The following CNTN4 variants were observed in gnomAD, a reference collection of about 807,000 sequenced individuals.
The protein encoded by CNTN4 is contactin 4, also known as contactin-4.
In CNTN4, 77 loss-of-function variants were observed where a neutral mutation model predicts 122.5. The ratio of observed to expected loss-of-function variants is 0.63; its 90% CI spans 0.52 to 0.76. The LOEUF is 0.76. CNTN4 is among the 30% of genes least tolerant of loss of function. CNTN4 has a pLI of 0.00. For synonymous variants in CNTN4, 512 were observed against 447.0 expected (o/e 1.15, Z -1.83); for missense variants, 1,256 against 1,259.1 (o/e 1.00, Z 0.04).
chr3:2,576,782 A>G (rs1352626154), intron 4 of CNTN4, among the ~76,000 whole-genome samples: 1 of 152,136 alleles, frequency 6.6e-6, no homozygotes, highest in Non-Finnish European at 1.5e-5. Context: ...TCTTAACCTC[A>G]AATGATCCAC....
At chr3:2,870,934 A>C (rs1319677209) in intron 8 of CNTN4, among the ~76,000 whole-genome samples, 1 of 152,162 alleles carries the variant, frequency 6.6e-6, no homozygotes, top group Non-Finnish European at 1.5e-5. Context: ...ATGAGGTGTG[A>C]TGAGTCTCAT....
chr3:2,142,813 G>A (rs1289992364), intron 2 of CNTN4, among the ~76,000 whole-genome samples: 3 of 152,216 alleles, frequency 2.0e-5, no homozygotes, highest in African/African-American at 7.2e-5. Flanking sequence ...AACTACGGCT[G>A]CTTTCAGGCA....
At chr3:2,866,340 A>G (rs1280330142) in intron 7 of CNTN4, 1 of 298,576 alleles carries the variant, frequency 3.3e-6, no homozygotes, top group Non-Finnish European at 5.4e-6. Flanking sequence ...TATCTATAAA[A>G]CAAAAGAAAT....
chr3:2,587,572 A>C (rs182831650), intron 4 of CNTN4, among the ~76,000 whole-genome samples: 21 of 152,308 alleles, frequency 1.4e-4, no homozygotes, highest in Admixed American at 2.6e-4. Context: ...TTTTAATGTA[A>C]TATTTATCTA....
intron 2 of CNTN4, among the ~76,000 whole-genome samples, chr3:2,137,880 A>C (rs958895414): frequency 1.3e-5 from 2 of 152,136 alleles, no homozygotes; most frequent in Non-Finnish European, 2.9e-5. Context: ...TGTTGCCACT[A>C]TGTAAACACT....
intron 18 of CNTN4, among the ~76,000 whole-genome samples, chr3:3,038,111 A>C (rs1038407997): frequency 1.3e-5 from 2 of 152,232 alleles, no homozygotes; most frequent in African/African-American, 4.8e-5. Flanking sequence ...ATTGGCTTTA[A>C]CCAAGGAGAC....
intron 4 of CNTN4, among the ~76,000 whole-genome samples, chr3:2,610,225 A>C (rs1334704339): frequency 2.8e-4 from 43 of 152,232 alleles, no homozygotes; most frequent in African/African-American, 4.8e-5. Context: ...AAGTTTGCTC[A>C]CTTCCATTCT....
chr3:2,826,835 C>T (rs916160623), intron 7 of CNTN4, among the ~76,000 whole-genome samples: 6 of 152,212 alleles, frequency 3.9e-5, no homozygotes, highest in Non-Finnish European at 8.8e-5. Flanking sequence ...CCTAACTCCA[C>T]ATTCAATACC....
chr3:2,765,264 C>T (rs148420635), intron 6 of CNTN4, among the ~76,000 whole-genome samples: 1 of 152,254 alleles, frequency 6.6e-6, no homozygotes, highest in Non-Finnish European at 1.5e-5. Context: ...TACTTGTCGT[C>T]ACTGAGTTTC....
chr3:2,988,778 A>G (rs1694810292), intron 14 of CNTN4: 1 of 333,942 alleles, frequency 3.0e-6, no homozygotes. Flanking sequence ...TCAAGTCTCT[A>G]TAGATTTGAA....
intron 4 of CNTN4, among the ~76,000 whole-genome samples, chr3:2,641,690 T>C (rs1559337928): frequency 6.6e-6 from 1 of 152,194 alleles, no homozygotes; most frequent in Non-Finnish European, 1.5e-5. Flanking sequence ...TGGCAAAGCT[T>C]TGCAGCACAA....
At chr3:2,203,964 A>G (rs1035843926) in intron 2 of CNTN4, among the ~76,000 whole-genome samples, 1 of 152,190 alleles carries the variant, frequency 6.6e-6, no homozygotes, top group Admixed American at 6.5e-5. Flanking sequence ...ATAGCTTCAT[A>G]TATGTGTATA....
At chr3:2,185,635 G>A (rs2037217462) in intron 2 of CNTN4, among the ~76,000 whole-genome samples, 1 of 152,110 alleles carries the variant, frequency 6.6e-6, no homozygotes. Context: ...CATGAGCCCG[G>A]CTCTCAGTCT....
chr3:2,782,062 T>C (rs188421985), intron 6 of CNTN4, among the ~76,000 whole-genome samples: 1 of 152,090 alleles, frequency 6.6e-6, no homozygotes, highest in Non-Finnish European at 1.5e-5. Context: ...TAAGAGGTTG[T>C]GGAGACCAGT....
intron 4 of CNTN4, among the ~76,000 whole-genome samples, chr3:2,642,072 G>A (rs922249049): frequency 6.6e-6 from 1 of 152,190 alleles, no homozygotes; most frequent in African/African-American, 2.4e-5. Flanking sequence ...ATGATCACAA[G>A]ATAAGGTCCC....
intron 7 of CNTN4, among the ~76,000 whole-genome samples, chr3:2,827,153 T>G (rs1445589642): frequency 1.3e-5 from 2 of 152,172 alleles, no homozygotes; most frequent in Non-Finnish European, 2.9e-5. Flanking sequence ...TTTGGACGAC[T>G]GGTCACTTTC....
chr3:3,004,852 G>A (rs1696454767), intron 14 of CNTN4, among the ~76,000 whole-genome samples: 1 of 152,150 alleles, frequency 6.6e-6, no homozygotes, highest in South Asian at 2.1e-4. Flanking sequence ...AGACCCACTG[G>A]GGCAGTGGTC....
intron 4 of CNTN4, among the ~76,000 whole-genome samples, chr3:2,625,822 A>T (rs1414956280): frequency 6.6e-6 from 1 of 152,182 alleles, no homozygotes; most frequent in Non-Finnish European, 1.5e-5. Context: ...GATTCTAACA[A>T]GTAGAGTTGA....
At chr3:2,205,799 T>A (rs932467019) in intron 2 of CNTN4, among the ~76,000 whole-genome samples, 1 of 146,400 alleles carries the variant, frequency 6.8e-6, no homozygotes, top group Non-Finnish European at 1.5e-5. Context: ...AACAGCTGTT[T>A]GTTTTTTTTA....
Sources: gnomAD v4.1 joint callset for allele counts (sites outside exome capture counted in the v4.1 genomes callset) on GRCh38, gnomAD v4.1.1 for gene constraint, MANE v1.5 for transcripts, NCBI Gene and HGNC (gene_info 2026-07-23, HGNC 2026-07-21) for gene names.